The following ABCA13 variants were observed in gnomAD, a reference collection of about 807,000 sequenced individuals.
ABCA13 encodes the protein ATP binding cassette subfamily A member 13.
A neutral mutation model predicts 478.7 loss-of-function variants in ABCA13; 476 were observed. The observed-to-expected ratio is 0.99, with a 90% confidence interval of 0.92 to 1.07. The LOEUF (loss-of-function observed/expected upper bound fraction) is 1.07, where lower values mean the gene tolerates loss of function less well. Ranked by LOEUF, ABCA13 falls within the 50% of genes least tolerant of loss-of-function variation. The pLI is 0.00. For synonymous variants in ABCA13, 2,252 were observed against 2,158.9 expected, an observed-to-expected ratio of 1.04 and a Z score of -1.20; for missense variants, 6,060 against 5,910.6, an observed-to-expected ratio of 1.03 and a Z score of -0.83.
chr7:48,482,246 A>T (rs1828847218), intron 46 of ABCA13, among the ~76,000 whole-genome samples: 1 of 152,208 alleles, frequency 6.6e-6, no homozygotes, highest in Admixed American at 6.5e-5. Context: ...TGGGAACTCA[A>T]AAGACAAGGA....
intron 55 of ABCA13, among the ~76,000 whole-genome samples, chr7:48,543,551 G>A (rs1052604000): frequency 6.6e-6 from 1 of 151,570 alleles, no homozygotes; most frequent in African/African-American, 2.4e-5. Context: ...TTGAACCCAG[G>A]AGTCGGAGGT....
In ABCA13 at chr7:48,624,004, G is replaced by C. The variant is rs1004323396; in HGVS notation, c.14837+8627G>C. 2.0e-5 allele frequency among the ~76,000 whole-genome samples: 3 copies of C among 151,956 alleles called. No homozygotes were observed. In the East Asian group the frequency reaches 5.8e-4, roughly 30 times the overall value. ...TCAATTTAAGATTGTCATATGCTAT[G>C]AAAGAGCCCTATATGGTATAGAGAT... On this transcript the variant is annotated intron_variant, in intron 59 of 61. Transcript: ENST00000435803.
At chr7:48,295,577 C>G in intron 20 of ABCA13, 123 bp from the exon 21 acceptor site, 2 of 1,263,174 alleles carry the variant, frequency 1.6e-6, no homozygotes, top group South Asian at 2.8e-5. Context: ...TTCTACTACT[C>G]TGCAATGCAC....
chr7:48,453,039 T>G (rs67312973), intron 42 of ABCA13, among the ~76,000 whole-genome samples: 3 of 152,038 alleles, frequency 2.0e-5, no homozygotes, highest in Non-Finnish European at 4.4e-5. Flanking sequence ...AGATATAAAA[T>G]TTAGTTTAAT....
chr7:48,221,371 C>T lies in ABCA13; in HGVS notation c.468+62C>T, dbSNP rs751115699. Reference sequence around the variant, plus strand: ...AGAGACAGAATGGTTAAGTTTACAACACTGTTTTTAAGTTTACATTTTCAA... The same window carrying T: ...AGAGACAGAATGGTTAAGTTTACAATACTGTTTTTAAGTTTACATTTTCAA... On this transcript the variant is annotated intron_variant, in intron 5 of 61. Transcript: ENST00000435803. 1.7e-5 allele frequency: 14 copies of T among 801,876 alleles called. 1 individual carries two copies. Among genetic ancestry groups the T allele is most frequent in the Admixed American group, 3.5e-5 (1 of 28,248 alleles). 49.7% of individuals were successfully genotyped at this position (801,876 alleles called of 1,614,324 possible). A position where few individuals can be genotyped will look rare whatever the true frequency, so the allele number is the denominator to read the frequency against.
chr7:48,248,269 C>T lies in ABCA13; in HGVS notation c.1690C>T (p.His564Tyr). 1 of 1,613,642 alleles carries T rather than the reference C, an allele frequency of 6.2e-7. No individual in the cohort carries two copies. Among genetic ancestry groups the T allele is most frequent in the Non-Finnish European group, 8.5e-7 (1 of 1,179,676 alleles). Reference protein sequence around the residue: ...DRILQEVITWHKNMSVLIPEE... With the variant: ...DRILQEVITWYKNMSVLIPEE... ...TATTTTGCAAGAGGTCATTACTTGG[C>T]ACAAAAATATGTCAGTTTTAATACC... Residue 564 changes from histidine (H) to tyrosine (Y), a missense_variant, in exon 14 of 62, where the codon CAC becomes TAC. His to Tyr is a moderately conservative substitution (Grantham distance 83). Coordinates refer to ENST00000435803, the MANE Select transcript of ABCA13 (RefSeq NM_152701.5).
chr7:48,305,374 C>G lies in ABCA13; in HGVS notation c.9322-4573C>G, dbSNP rs1800749438. On this transcript the variant is annotated intron_variant, in intron 23 of 61. Coordinates refer to ENST00000435803, the MANE Select transcript of ABCA13 (RefSeq NM_152701.5). The stretch of plus-strand genomic sequence containing the variant: ...CATCTCTTGTACTTGCCTCTTTATC[C>G]TGTGAGCAGCTCTGAGCTCAAATGG... 2.0e-5 allele frequency among the ~76,000 whole-genome samples: 3 copies of G among 152,224 alleles called. No individual in the cohort carries two copies. The South Asian group carries it at 6.2e-4, about 32-fold the overall frequency.
intron 15 of ABCA13, among the ~76,000 whole-genome samples, chr7:48,260,974 A>G (rs1794089469): frequency 6.6e-6 from 1 of 151,874 alleles, no homozygotes; most frequent in Non-Finnish European, 1.5e-5. Flanking sequence ...AGTGATTTTT[A>G]GAGCTTGTAT....
chr7:48,481,093 C>T lies in ABCA13; in HGVS notation c.13033C>T (p.Leu4345=), dbSNP rs777973484. The change falls in exon 46 of 62, where the codon CTG becomes TTG. Residue 4345 remains leucine (L), a synonymous_variant. Coordinates refer to ENST00000435803, the MANE Select transcript of ABCA13 (RefSeq NM_152701.5). The part of the protein sequence containing the change: ...PYLTNHLGHT[L]LNLSGFNMEE... ...CCTGACCAACCACCTGGGCCACACACTGTTGAATCTCTCAGGCTTCAATAT... is the reference window on the plus strand; with the variant it reads ...CCTGACCAACCACCTGGGCCACACATTGTTGAATCTCTCAGGCTTCAATAT... The T allele has an allele frequency of 6.2e-7, 1 of 1,602,996 alleles. No individual in the cohort carries two copies. Among genetic ancestry groups the T allele is most frequent in the East Asian group, 2.2e-5 (1 of 44,640 alleles).
At chr7:48,395,126 C>A (rs1006600408) in intron 38 of ABCA13, among the ~76,000 whole-genome samples, 1 of 152,168 alleles carries the variant, frequency 6.6e-6, no homozygotes, top group African/African-American at 2.4e-5. Flanking sequence ...CTAAGCCTTG[C>A]AAGATTTTAG....
At chr7:48,221,137 A>G (rs184003129) in intron 4 of ABCA13, 144 bp from the exon 5 acceptor site, 1 of 496,584 alleles carries the variant, frequency 2.0e-6, no homozygotes, top group East Asian at 3.7e-5. Context: ...ATGAAGATAG[A>G]TTTATTCTTC....
At chr7:48,178,818 G>C (rs1166297614) in intron 1 of ABCA13, among the ~76,000 whole-genome samples, 1 of 151,332 alleles carries the variant, frequency 6.6e-6, no homozygotes, top group Non-Finnish European at 1.5e-5. Context: ...CAATTCGACT[G>C]TCAGGCTGAA....
intron 55 of ABCA13, among the ~76,000 whole-genome samples, chr7:48,541,379 C>T (rs1472350109): frequency 2.0e-5 from 3 of 151,984 alleles, no homozygotes; most frequent in Non-Finnish European, 2.9e-5. Context: ...ATTTGTGGCT[C>T]CTGAACACCA....
chr7:48,527,181 G>A (rs1832942408), intron 54 of ABCA13, among the ~76,000 whole-genome samples: 1 of 152,124 alleles, frequency 6.6e-6, no homozygotes, highest in Admixed American at 6.6e-5. Flanking sequence ...GGCTGATGGT[G>A]GTGTACCCTG....
At chr7:48,349,025 T>C (rs1808529185) in intron 29 of ABCA13, among the ~76,000 whole-genome samples, 1 of 152,228 alleles carries the variant, frequency 6.6e-6, no homozygotes. Flanking sequence ...ACTGGTTGCT[T>C]ATACTCTTTG....
intron 52 of ABCA13, 30 bp downstream of exon 52, chr7:48,516,911 C>T: frequency 6.2e-7 from 1 of 1,601,934 alleles, no homozygotes; most frequent in Non-Finnish European, 8.5e-7. Context: ...CACCTCTACA[C>T]TTCTGCACCT....
intron 42 of ABCA13, 84 bp from the exon 43 acceptor site, chr7:48,454,953 G>A (rs984177461): frequency 7.1e-7 from 1 of 1,417,546 alleles, no homozygotes; most frequent in Non-Finnish European, 9.2e-7. Context: ...AGATGCCGCA[G>A]GGTCACCGAG....
intron 8 of ABCA13, 120 bp from the exon 9 acceptor site, chr7:48,239,121 C>T (rs1272702469): frequency 9.8e-7 from 1 of 1,019,328 alleles, no homozygotes; most frequent in Non-Finnish European, 1.4e-6. Context: ...TCATCACTTA[C>T]TTCTTCAATC....
At chr7:48,183,538 G>C (rs140768278) in intron 1 of ABCA13, among the ~76,000 whole-genome samples, 1 of 152,298 alleles carries the variant, frequency 6.6e-6, no homozygotes, top group African/African-American at 2.4e-5. Flanking sequence ...TTATGCAAAC[G>C]AACTACTTAA....
Sources: gnomAD v4.1 joint callset for allele counts (sites outside exome capture counted in the v4.1 genomes callset) on GRCh38, gnomAD v4.1.1 for gene constraint, MANE v1.5 for transcripts, NCBI Gene and HGNC (gene_info 2026-07-23, HGNC 2026-07-21) for gene names.